Variants in JHY observed in about 807,000 individuals in gnomAD.
JHY encodes the protein jhy protein homolog.
A neutral mutation model predicts 78.0 loss-of-function variants in JHY; 69 were observed. The observed-to-expected ratio is 0.88, with a 90% CI of 0.73 to 1.08. JHY has a LOEUF of 1.08. Ranked by LOEUF, JHY falls within the 50% of genes least tolerant of loss-of-function variation. The pLI, the probability that JHY is intolerant of heterozygous loss-of-function variation, is 0.00. For missense variants in JHY, 944 were observed against 927.8 expected, an observed-to-expected ratio of 1.02 and a Z score of -0.23; for synonymous variants, 368 against 342.6, an observed-to-expected ratio of 1.07 and a Z score of -0.82.
chr11:122,888,538 G>GT (rs58273141), intron 2 of JHY, among the ~76,000 whole-genome samples: 175 of 145,786 alleles, frequency 1.2e-3, no homozygotes, highest in Middle Eastern at 7.1e-3. Flanking sequence ...TACTGATGCT[G>GT]TTTTTTTTTT....
chr11:122,889,715 T>C (rs1862569439), intron 2 of JHY, among the ~76,000 whole-genome samples: 1 of 152,172 alleles, frequency 6.6e-6, no homozygotes, highest in Non-Finnish European at 1.5e-5. Context: ...GGTGCCATTA[T>C]ATATTTATTC....
intron 3 of JHY, among the ~76,000 whole-genome samples, chr11:122,914,925 G>A (rs933166013): frequency 1.4e-4 from 21 of 151,556 alleles, no homozygotes; most frequent in Admixed American, 9.2e-4. Flanking sequence ...TTTTCAATAC[G>A]AGCCATTTTT....
At chr11:122,919,352 CAA>C (rs72233254) in intron 3 of JHY, among the ~76,000 whole-genome samples, 76 of 70,076 alleles carry the variant, frequency 1.1e-3, no homozygotes, top group Middle Eastern at 7.9e-3. Context: ...GACTCTGTCT[CAA>C]AAAAAAAAAA....
intron 3 of JHY, among the ~76,000 whole-genome samples, chr11:122,916,636 T>TTTG (rs1000297306): frequency 3.3e-5 from 5 of 152,128 alleles, no homozygotes; most frequent in African/African-American, 9.7e-5. Flanking sequence ...TTGTTTGTTT[T>TTTG]TTGTTGTTGT....
intron 4 of JHY, among the ~76,000 whole-genome samples, chr11:122,930,448 A>C (rs1459274666): frequency 3.9e-5 from 6 of 152,256 alleles, no homozygotes; most frequent in South Asian, 2.1e-4. Flanking sequence ...TTCATAGGAG[A>C]GACTTAAATA....
rs1006289362 is a variant in JHY, at chr11:122,963,618, A to G, written c.*4173A>G. On this transcript the variant is annotated 3_prime_UTR_variant, in exon 9 of 9. Transcript: ENST00000227349. ...CTCCTGTTTTAAAGTAAATTGTACT[A>G]ATGACAACAATAGTGATCTTTTATA... 6.6e-6 allele frequency among the ~76,000 whole-genome samples: 1 copy of G among 152,182 alleles called. No homozygotes were observed. The highest frequency in any genetic ancestry group is 1.5e-5 in the Non-Finnish European group (1 of 68,018).
chr11:122,945,623 G>A (rs1050947112), intron 5 of JHY, among the ~76,000 whole-genome samples: 5 of 152,178 alleles, frequency 3.3e-5, no homozygotes, highest in Non-Finnish European at 7.4e-5. Context: ...GCAGGCTTGG[G>A]TGGGAGTGTA....
rs546883327 is a variant in JHY, at chr11:122,948,241, C to T, written c.1929+1449C>T. The stretch of plus-strand genomic sequence containing the variant: ...TGTGGATCACCTGAGGTCAGGAGTT[C>T]GAGACCAGCTTGGACAACATGGTGA... On this transcript the variant is annotated intron_variant, in intron 6 of 8. Transcript: ENST00000227349. Among the ~76,000 whole-genome samples, 21 of 151,502 alleles carry T rather than the reference C, an allele frequency of 1.4e-4. 1 individual carries two copies. Among genetic ancestry groups the T allele is most frequent in the Middle Eastern group, 3.4e-3 (1 of 294 alleles).
chr11:122,923,098 T>C (rs1483722275), intron 3 of JHY, among the ~76,000 whole-genome samples: 3 of 152,184 alleles, frequency 2.0e-5, no homozygotes, highest in African/African-American at 7.2e-5. Context: ...AGACAGTCGG[T>C]CCTCTAAATA....
intron 3 of JHY, among the ~76,000 whole-genome samples, chr11:122,916,032 G>C (rs890107800): frequency 6.6e-6 from 1 of 151,946 alleles, no homozygotes; most frequent in Non-Finnish European, 1.5e-5. Flanking sequence ...GCTGGGAAGG[G>C]TCTCGGGGGT....
Position 122,934,986 on chromosome 11 carries a change from T to G in JHY, c.1545T>G (p.Tyr515Ter). Residue 515 changes from tyrosine (Y) to a stop codon, truncating the protein, a stop_gained, in exon 5 of 9, where the codon TAT becomes TAG. Coordinates refer to ENST00000227349, the MANE Select transcript of JHY (RefSeq NM_024806.4). LOFTEE classifies it high-confidence loss of function. ...GCCAGAAAGGCTCTCAGTTTGTTTATCACATAAATACTCATGGATCAACCA... is the reference window on the plus strand; with the variant it reads ...GCCAGAAAGGCTCTCAGTTTGTTTAGCACATAAATACTCATGGATCAACCA... Reference protein sequence around the residue: ...LLSQKGSQFVYHINTHGSTKN... With the variant: ...LLSQKGSQFV The G allele has an allele frequency of 2.5e-6, 4 of 1,613,986 alleles. No homozygotes were observed. The highest frequency in any genetic ancestry group is 3.4e-6 in the Non-Finnish European group (4 of 1,179,964).
At position 122,886,212 on chromosome 11, in the gene JHY, TA is replaced by T; in HGVS notation, c.344+21del. 6.3e-7 allele frequency: 1 copy of T among 1,583,812 alleles called. No homozygotes were observed. Among genetic ancestry groups the T allele is most frequent in the Non-Finnish European group, 8.6e-7 (1 of 1,163,742 alleles). On this transcript the variant is annotated intron_variant, in intron 2 of 8. Coordinates refer to ENST00000227349, the MANE Select transcript of JHY (RefSeq NM_024806.4). ...ATAACAGGTAAGGAATTGGCTTGTG[TA>T]AGATAATAATGGGCTCTAAAATGTA...
At chr11:122,955,140 A>G (rs1385827606) in intron 6 of JHY, among the ~76,000 whole-genome samples, 2 of 152,162 alleles carry the variant, frequency 1.3e-5, no homozygotes, top group African/African-American at 4.8e-5. Context: ...TTGTTGTTTT[A>G]AATAGAATCT....
intron 5 of JHY, among the ~76,000 whole-genome samples, chr11:122,939,760 C>T (rs1464995867): frequency 6.6e-6 from 1 of 152,106 alleles, no homozygotes; most frequent in Non-Finnish European, 1.5e-5. Flanking sequence ...TATCTATTTA[C>T]TGAATCATTT....
At chr11:122,943,949 T>A in intron 5 of JHY, among the ~76,000 whole-genome samples, 1 of 152,164 alleles carries the variant, frequency 6.6e-6, no homozygotes, top group East Asian at 1.9e-4. Flanking sequence ...CTCACACCTG[T>A]AATAACAGCA....
intron 3 of JHY, among the ~76,000 whole-genome samples, chr11:122,919,524 A>C (rs187656219): frequency 1.3e-5 from 2 of 152,274 alleles, no homozygotes; most frequent in East Asian, 3.9e-4. Context: ...CAGCTGAAGA[A>C]GTAGACAGGA....
At chr11:122,885,113 G>A (rs950600025) in intron 1 of JHY, among the ~76,000 whole-genome samples, 2 of 151,510 alleles carry the variant, frequency 1.3e-5, no homozygotes, top group Admixed American at 6.6e-5. Flanking sequence ...AGTTTTAATC[G>A]TTATTATGGG....
chr11:122,885,566 G>A (rs113198490), intron 1 of JHY, among the ~76,000 whole-genome samples, 195 bp from the exon 2 acceptor site: 3,228 of 152,194 alleles, frequency 0.021, 112 homozygotes, highest in African/African-American at 0.073. Flanking sequence ...GCTTATGAGC[G>A]CTACATCAGA....
At chr11:122,948,652 GTAA>G (rs982069863) in intron 6 of JHY, among the ~76,000 whole-genome samples, 6 of 151,642 alleles carry the variant, frequency 4.0e-5, no homozygotes, top group African/African-American at 9.7e-5. Context: ...AATAATAAAA[GTAA>G]TAATAATAAT....
Sources: gnomAD v4.1 joint callset for allele counts (sites outside exome capture counted in the v4.1 genomes callset) on GRCh38, gnomAD v4.1.1 for gene constraint, MANE v1.5 for transcripts, NCBI Gene and HGNC (gene_info 2026-07-23, HGNC 2026-07-21) for gene names.